CIB4: variants seen among roughly 807,000 people sequenced by gnomAD.
The protein encoded by CIB4 is calcium and integrin binding family member 4.
CIB4 carries 25 observed loss-of-function variants against 25.8 expected under a neutral mutation model. The observed-to-expected ratio is 0.97, with a 90% CI of 0.71 to 1.35. CIB4 has a LOEUF of 1.35. Ranked by LOEUF, CIB4 falls within the 40% of genes most tolerant of loss-of-function variation. CIB4 has a pLI of 0.00. For missense variants in CIB4, 235 were observed against 228.2 expected (o/e 1.03, Z -0.19); for synonymous variants, 75 against 81.4 (o/e 0.92, Z 0.42).
chr2:26,599,320 T>C (rs1187045172), intron 3 of CIB4, among the ~76,000 whole-genome samples: 3 of 152,126 alleles, frequency 2.0e-5, no homozygotes. Flanking sequence ...TTCTGGGAGT[T>C]TTTTTGGAAA....
chr2:26,620,444 G>GTT (rs992039867), intron 3 of CIB4, among the ~76,000 whole-genome samples: 18 of 152,226 alleles, frequency 1.2e-4, no homozygotes, highest in Non-Finnish European at 5.9e-5. Context: ...AAAGACGGGA[G>GTT]TTTGTTCTCT....
intron 2 of CIB4, among the ~76,000 whole-genome samples, chr2:26,632,475 G>C (rs750848095): frequency 2.6e-5 from 4 of 152,170 alleles, no homozygotes; most frequent in Non-Finnish European, 5.9e-5. Context: ...GCGAGGGGTA[G>C]GCCGGGTGCA....
rs1669064336 is a variant in CIB4 at position 26,615,038 on chromosome 2, A to G, written c.186+14372T>C. Among the ~76,000 whole-genome samples the G allele has an allele frequency of 2.0e-5, 3 of 152,254 alleles. No homozygotes were observed. In the South Asian group the frequency reaches 6.2e-4, roughly 32 times the overall value. ...GAGAAACGTGATGAGAAGCAAGGAG[A>G]GTTGGCCCTGCAGTTGCCAGTGCTG... On this transcript the variant is annotated intron_variant, in intron 3 of 6. Coordinates refer to ENST00000288861, the MANE Select transcript of CIB4 (RefSeq NM_001029881.3).
intron 3 of CIB4, among the ~76,000 whole-genome samples, chr2:26,614,954 A>G (rs1331406253): frequency 6.6e-6 from 1 of 152,224 alleles, no homozygotes; most frequent in Non-Finnish European, 1.5e-5. Flanking sequence ...CGAATCATTG[A>G]CAGAACCAAT....
intron 3 of CIB4, among the ~76,000 whole-genome samples, chr2:26,619,831 A>C (rs181580353): frequency 6.8e-4 from 93 of 136,316 alleles, no homozygotes; most frequent in African/African-American, 2.5e-3. Context: ...ATCCTGATCT[A>C]CATCCCAGAA....
chr2:26,623,498 T>C (rs1022861490), intron 3 of CIB4: 2 of 471,288 alleles, frequency 4.2e-6, no homozygotes, highest in African/African-American at 4.0e-5. Context: ...CAAGCTGTTC[T>C]AAGCAGATAG....
chr2:26,629,624 G>A (rs533133051), intron 2 of CIB4, 118 bp from the exon 3 acceptor site: 140 of 687,452 alleles, frequency 2.0e-4, no homozygotes, highest in African/African-American at 1.9e-3. Context: ...GTCTCTTTGA[G>A]GAAGGAGACT....
chr2:26,640,581 C>G lies in CIB4; in HGVS notation c.55-14G>C, dbSNP rs1408090824. On this transcript the variant is annotated splice_polypyrimidine_tract_variant and intron_variant, in intron 1 of 6. Transcript: ENST00000288861. ...GAAGGTCAGGGCCTGCAACAAATCA[C>G]AGAGAAGCGACGTGTCCACTCCATT... The G allele has an allele frequency of 6.2e-7, 1 of 1,610,752 alleles. No individual in the cohort carries two copies. The highest frequency in any genetic ancestry group is 1.7e-5 in the Admixed American group (1 of 59,740).
At chr2:26,591,686 G>A (rs937520570) in intron 4 of CIB4, among the ~76,000 whole-genome samples, 1 of 152,224 alleles carries the variant, frequency 6.6e-6, no homozygotes, top group African/African-American at 2.4e-5. Flanking sequence ...CTTGGCAAAA[G>A]TGATGGGCTG....
intron 2 of CIB4, among the ~76,000 whole-genome samples, chr2:26,638,440 T>C (rs1669573631): frequency 6.6e-6 from 1 of 152,084 alleles, no homozygotes; most frequent in South Asian, 2.1e-4. Flanking sequence ...AGGATCGATG[T>C]TCGAGAGAGA....
In CIB4 at chr2:26,582,836, T is replaced by G; in HGVS notation, c.516A>C (p.Pro172=). Residue 172 remains proline, a synonymous_variant, in exon 6 of 7, where the codon CCA becomes CCC. Transcript: ENST00000288861. The stretch of plus-strand genomic sequence containing the variant: ...CCAGAATGCCTTACTTCATGAAATC[T>G]GGAGACTTGGCCATTGCATGTTCAA... ...SEFEHAMAKS[P]DFMNSFRIHF... The G allele has an allele frequency of 6.2e-7, 1 of 1,611,510 alleles. No homozygotes were observed. Among genetic ancestry groups the G allele is most frequent in the Non-Finnish European group, 8.5e-7 (1 of 1,177,632 alleles).
At chr2:26,592,394 C>T (rs141382027) in intron 4 of CIB4, among the ~76,000 whole-genome samples, 4 of 152,180 alleles carry the variant, frequency 2.6e-5, no homozygotes, top group Admixed American at 6.5e-5. Context: ...GAAGGGGGAA[C>T]GCTGGTGTGG....
At chr2:26,590,710 A>G (rs1460596430) in intron 4 of CIB4, among the ~76,000 whole-genome samples, 1 of 152,196 alleles carries the variant, frequency 6.6e-6, no homozygotes, top group East Asian at 1.9e-4. Context: ...GAGCCCAGAG[A>G]GAATTCAGGG....
At chr2:26,590,997 T>A (rs1166358067) in intron 4 of CIB4, among the ~76,000 whole-genome samples, 1 of 152,202 alleles carries the variant, frequency 6.6e-6, no homozygotes, top group African/African-American at 2.4e-5. Context: ...GAACACGATT[T>A]AGCTTGTGCC....
In CIB4 at chr2:26,581,232, TAAAC is replaced by T; in HGVS notation, c.*127_*130del. On this transcript the variant is annotated 3_prime_UTR_variant, in exon 7 of 7. Coordinates refer to ENST00000288861, the MANE Select transcript of CIB4 (RefSeq NM_001029881.3). The stretch of plus-strand genomic sequence containing the variant: ...AGGAAAAGCTTTTTCTTTTATCTAA[TAAAC>T]AATATTCTAGAGGTGAGTGTGGGCC... 1.4e-6 allele frequency: 1 copy of T among 716,748 alleles called. No individual in the cohort carries two copies. The allele number at this position is 716,748 out of a possible 1,614,324, so 44.4% of individuals were successfully genotyped here.
At position 26,629,408 on chromosome 2, in the gene CIB4, A is replaced by G. The variant is rs1440375788; in HGVS notation, c.186+2T>C. ...TTGCCCCACCCACCATCCTGGACTC[A>G]CCCGCAGAGCTGGCAGGGAGCTGAC... On this transcript the variant is annotated splice_donor_variant, in intron 3 of 6. Coordinates refer to ENST00000288861, the MANE Select transcript of CIB4 (RefSeq NM_001029881.3). LOFTEE classifies it high-confidence loss of function. 1 of 1,567,730 alleles carries G rather than the reference A, an allele frequency of 6.4e-7. No homozygotes were observed. Among genetic ancestry groups the G allele is most frequent in the East Asian group, 2.3e-5 (1 of 43,196 alleles).
In CIB4 at chr2:26,627,952, C is replaced by T. The variant is rs1572569879; in HGVS notation, c.186+1458G>A. 2.0e-5 allele frequency among the ~76,000 whole-genome samples: 3 copies of T among 152,298 alleles called. No homozygotes were observed. Among genetic ancestry groups the T allele is most frequent in the South Asian group, 4.1e-4 (2 of 4,820 alleles). ...CCATGTCCCTTCCTCAGGAGCCAGCCTCCTCCTCCCTGGTATCCCCAGGCC... is the reference window on the plus strand; with the variant it reads ...CCATGTCCCTTCCTCAGGAGCCAGCTTCCTCCTCCCTGGTATCCCCAGGCC... On this transcript the variant is annotated intron_variant, in intron 3 of 6. Transcript: ENST00000288861. This position sits in a 1 kb window ranked among gnomAD's most constrained non-coding sequence, Gnocchi z 4.0.
intron 3 of CIB4, among the ~76,000 whole-genome samples, chr2:26,613,139 C>T (rs2148211888): frequency 6.6e-6 from 1 of 152,298 alleles, no homozygotes; most frequent in East Asian, 1.9e-4. Context: ...GTTTTTCCCA[C>T]CGGAGCCTGA....
intron 3 of CIB4, among the ~76,000 whole-genome samples, chr2:26,610,447 T>TA (rs1384761026): frequency 6.6e-6 from 1 of 152,214 alleles, no homozygotes; most frequent in Non-Finnish European, 1.5e-5. Context: ...AAAGGCCTTT[T>TA]AATGTTTCAG....
Sources: allele counts gnomAD v4.1 joint callset (sites outside exome capture counted in the v4.1 genomes callset), GRCh38; gene constraint gnomAD v4.1.1; non-coding constraint Gnocchi (gnomAD v3.1); transcripts MANE v1.5; gene names NCBI Gene and HGNC (gene_info 2026-07-23, HGNC 2026-07-21).